The following WNT9A variants were observed in gnomAD, a reference collection of about 807,000 sequenced individuals.
WNT9A encodes protein Wnt-9a.
In WNT9A, 8 loss-of-function variants were observed where a neutral mutation model predicts 31.4. That is an observed-to-expected ratio of 0.26 (90% confidence interval 0.15 to 0.46). The LOEUF is 0.46. WNT9A is among the 20% of genes least tolerant of loss of function. The probability of loss-of-function intolerance (pLI) is 0.99; values close to 1 mark genes in which losing one functional copy is unlikely to be tolerated. For synonymous variants in WNT9A, 236 were observed against 220.1 expected (o/e 1.07, Z -0.64); for missense variants, 457 against 522.9 (o/e 0.87, Z 1.23).
intron 1 of WNT9A, among the ~76,000 whole-genome samples, chr1:227,927,387 A>T (rs575590278): frequency 6.6e-6 from 1 of 152,298 alleles, no homozygotes; most frequent in South Asian, 2.1e-4. Context: ...AGGAGGGACC[A>T]GCCAGTCCTC....
At chr1:227,947,763 C>A in intron 1 of WNT9A, 30 bp downstream of exon 1, 1 of 1,066,094 alleles carries the variant, frequency 9.4e-7, no homozygotes, top group Non-Finnish European at 1.1e-6. Flanking sequence ...CCCCGCCCAC[C>A]AGTGCGCGCC....
chr1:227,940,420 C>T (rs1666677976), intron 1 of WNT9A, among the ~76,000 whole-genome samples: 1 of 152,196 alleles, frequency 6.6e-6, no homozygotes, highest in Admixed American at 6.5e-5. Flanking sequence ...ACAGGGAGAG[C>T]CACGCAACCT....
chr1:227,938,569 G>A (rs968414111), intron 1 of WNT9A, among the ~76,000 whole-genome samples: 2 of 151,824 alleles, frequency 1.3e-5, no homozygotes, highest in Non-Finnish European at 2.9e-5. Context: ...AGAGATGCAC[G>A]CATACGCACG....
Position 227,925,474 on chromosome 1 carries a change from C to A in WNT9A, c.141G>T (p.Glu47Asp), listed in dbSNP as rs767607551. Residue 47 changes from glutamate (E) to aspartate (D), a missense_variant, in exon 2 of 4, where the codon GAG becomes GAT. Physicochemically the swap from Glu to Asp is conservative, Grantham distance 45. Transcript: ENST00000272164. The surrounding 1 kb of genome is among the most constrained non-coding windows in gnomAD (Gnocchi z 6.0). ...EPLTILPLTL[E>D]PEAAAQAHYK... ...AGTGCGCCTGGGCAGCCGCCTCTGG[C>A]TCCAGGGTCAGCGGGAGGATGGTCA... 6.3e-7 allele frequency: 1 copy of A among 1,577,166 alleles called. No individual in the cohort carries two copies. The highest frequency in any genetic ancestry group is 1.1e-5 in the South Asian group (1 of 87,294).
intron 3 of WNT9A, among the ~76,000 whole-genome samples, chr1:227,923,836 T>A (rs1233809377): frequency 6.6e-6 from 1 of 152,148 alleles, no homozygotes; most frequent in Admixed American, 6.5e-5. Context: ...GACACCCTCC[T>A]GGTGGCCCCA....
At chr1:227,944,521 G>A (rs1227849191) in intron 1 of WNT9A, among the ~76,000 whole-genome samples, 1 of 152,222 alleles carries the variant, frequency 6.6e-6, no homozygotes, top group Non-Finnish European at 1.5e-5. Flanking sequence ...CAGGACGTGA[G>A]TTACGGCCAA....
intron 1 of WNT9A, among the ~76,000 whole-genome samples, chr1:227,930,333 G>A (rs1454726901): frequency 6.6e-6 from 1 of 152,202 alleles, no homozygotes; most frequent in Admixed American, 6.5e-5. Flanking sequence ...GTTTGTGGCT[G>A]CACCGGACCA....
intron 3 of WNT9A, 76 bp downstream of exon 3, chr1:227,924,062 T>TTCCCC: frequency 8.5e-6 from 2 of 234,960 alleles, no homozygotes; most frequent in Non-Finnish European, 1.3e-5. Context: ...CCGCCCCCAG[T>TTCCCC]CCCACGCCCC....
At chr1:227,934,089 T>C (rs924967581) in intron 1 of WNT9A, among the ~76,000 whole-genome samples, 5 of 152,248 alleles carry the variant, frequency 3.3e-5, no homozygotes, top group Non-Finnish European at 5.9e-5. Flanking sequence ...CATCCATTCA[T>C]GTGCTGAGAG....
In WNT9A at chr1:227,925,204, C is replaced by G. The variant is rs1666395457; in HGVS notation, c.352+59G>C. On this transcript the variant is annotated intron_variant, in intron 2 of 3. Coordinates refer to ENST00000272164, the MANE Select transcript of WNT9A (RefSeq NM_003395.4). This position sits in a 1 kb window ranked among gnomAD's most constrained non-coding sequence, Gnocchi z 6.0. ...TAAGAGGGGCCTCTTGGGATATGGACAAGGCCTGGGCTGCCACCTGTCTGG... is the reference window on the plus strand; with the variant it reads ...TAAGAGGGGCCTCTTGGGATATGGAGAAGGCCTGGGCTGCCACCTGTCTGG... 6.9e-7 allele frequency: 1 copy of G among 1,458,826 alleles called. No homozygotes were observed. Among genetic ancestry groups the G allele is most frequent in the African/African-American group, 1.4e-5 (1 of 70,558 alleles). The allele number at this position is 1,458,826 out of a possible 1,614,324, so 90.4% of individuals were successfully genotyped here.
chr1:227,936,581 C>A (rs1260965314), intron 1 of WNT9A, among the ~76,000 whole-genome samples: 2 of 151,096 alleles, frequency 1.3e-5, no homozygotes, highest in Non-Finnish European at 2.9e-5. Context: ...GTGATCCACC[C>A]ACCGCAGCCT....
intron 1 of WNT9A, among the ~76,000 whole-genome samples, chr1:227,927,959 G>A (rs1425205274): frequency 1.3e-5 from 2 of 151,888 alleles, no homozygotes; most frequent in African/African-American, 2.4e-5. Context: ...GAGGGGACAA[G>A]GGGAGGAGGG....
intron 1 of WNT9A, among the ~76,000 whole-genome samples, chr1:227,935,127 C>T (rs1373939540): frequency 1.3e-5 from 2 of 151,830 alleles, no homozygotes; most frequent in Non-Finnish European, 2.9e-5. Context: ...AGCCCCAGTT[C>T]ACCATACAGA....
In WNT9A at chr1:227,921,880, T is replaced by C. The variant is rs1666323185; in HGVS notation, c.736A>G (p.Lys246Glu). 6.2e-7 allele frequency: 1 copy of C among 1,613,186 alleles called. No homozygotes were observed. Among genetic ancestry groups the C allele is most frequent in the South Asian group, 1.1e-5 (1 of 91,088 alleles). The part of the protein sequence containing the change: ...FHEVGKHLKH[K>E]YETALKVGST... ...CCCACCTTGAGTGCCGTCTCATACT[T>C]GTGCTTCAGATGCTTGCCCACCTCA... is the stretch of plus-strand genomic sequence containing the variant. Residue 246 changes from lysine (K) to glutamate (E), a missense_variant, in exon 4 of 4, where the codon AAG (lysine) becomes GAG (glutamate). Coordinates refer to ENST00000272164, the MANE Select transcript of WNT9A (RefSeq NM_003395.4).
intron 1 of WNT9A, among the ~76,000 whole-genome samples, chr1:227,935,454 C>A (rs1462725400): frequency 6.6e-6 from 1 of 152,220 alleles, no homozygotes; most frequent in African/African-American, 2.4e-5. Context: ...GCCTGGTTCA[C>A]CATCTGGCCC....
At chr1:227,943,696 C>T (rs1484745494) in intron 1 of WNT9A, among the ~76,000 whole-genome samples, 1 of 152,174 alleles carries the variant, frequency 6.6e-6, no homozygotes, top group Non-Finnish European at 1.5e-5. Flanking sequence ...TAAATGCAGG[C>T]GGGGAGCAAG....
intron 1 of WNT9A, among the ~76,000 whole-genome samples, chr1:227,930,566 T>C (rs1038714790): frequency 2.0e-5 from 3 of 152,158 alleles, no homozygotes; most frequent in Non-Finnish European, 4.4e-5. Context: ...AAAACCAGCC[T>C]GCATCACCCC....
intron 1 of WNT9A, among the ~76,000 whole-genome samples, chr1:227,938,885 G>A (rs142197229): frequency 3.9e-5 from 6 of 152,320 alleles, no homozygotes; most frequent in Admixed American, 6.5e-5. Flanking sequence ...ACAGTGTAGC[G>A]GCATGTGCAG....
At chr1:227,945,452 AG>A (rs943287887) in intron 1 of WNT9A, among the ~76,000 whole-genome samples, 32 of 152,294 alleles carry the variant, frequency 2.1e-4, no homozygotes, top group African/African-American at 7.5e-4. Flanking sequence ...GGCGCCAGCC[AG>A]GGTTGGGTTG....
Sources: allele counts gnomAD v4.1 joint callset (sites outside exome capture counted in the v4.1 genomes callset), GRCh38; gene constraint gnomAD v4.1.1; non-coding constraint Gnocchi (gnomAD v3.1); transcripts MANE v1.5; gene names NCBI Gene and HGNC (gene_info 2026-07-23, HGNC 2026-07-21).